Variants in DUS4L observed in about 807,000 individuals in gnomAD.
DUS4L encodes tRNA-dihydrouridine(20a/20b) synthase [NAD(P)+]-like.
Under a neutral mutation model 33.8 loss-of-function variants are expected in DUS4L, and 31 were observed. That is an observed-to-expected ratio of 0.92 (90% CI 0.69 to 1.24). The LOEUF is 1.24. DUS4L is among the 50% of genes most tolerant of loss of function. The pLI is 0.00. For missense variants in DUS4L, 368 were observed against 388.6 expected, an observed-to-expected ratio of 0.95 and a Z score of 0.45; for synonymous variants, 103 against 120.3, an observed-to-expected ratio of 0.86 and a Z score of 0.94.
rs988530574 is a variant in DUS4L, at chr7:107,577,594, T to C, written c.*34T>C. The C allele has an allele frequency of 1.3e-6, 2 of 1,588,486 alleles. No homozygotes were observed. Among genetic ancestry groups the C allele is most frequent in the African/African-American group, 1.3e-5 (1 of 74,212 alleles). On this transcript the variant is annotated 3_prime_UTR_variant, in exon 8 of 8. Transcript: ENST00000265720. The stretch of plus-strand genomic sequence containing the variant: ...CCCAAATAATTTTAATATATACTTT[T>C]AGACCCACAGTGAAACCACAGAAGG...
rs1805620093 is a variant in DUS4L at position 107,575,190 on chromosome 7, G to A, written c.359G>A (p.Trp120Ter). Residue 120 changes from tryptophan (W) to a stop codon, truncating the protein, a stop_gained and splice_region_variant, in exon 6 of 8, where the codon TGG (tryptophan) becomes TAG (stop). Transcript: ENST00000265720. LOFTEE classifies it high-confidence loss of function. The stretch of plus-strand genomic sequence containing the variant: ...GTTCATGTGTTTGCTTTACAAAGGT[G>A]GGCAATGGCAGAAGGTTATGGGGCT... ...IDINCGCPQR[W>*]AMAEGYGACL... 1 of 1,605,970 alleles carries A rather than the reference G, an allele frequency of 6.2e-7. No homozygotes were observed. Among genetic ancestry groups the A allele is most frequent in the Non-Finnish European group, 8.5e-7 (1 of 1,178,080 alleles).
chr7:107,571,559 C>A (rs1487772529), intron 4 of DUS4L, among the ~76,000 whole-genome samples: 1 of 152,172 alleles, frequency 6.6e-6, no homozygotes, highest in Non-Finnish European at 1.5e-5. Context: ...TCCAAGGAGA[C>A]CAAAGTGACC....
At chr7:107,572,999 TTATA>T (rs1369806702) in intron 4 of DUS4L, among the ~76,000 whole-genome samples, 1 of 151,926 alleles carries the variant, frequency 6.6e-6, no homozygotes, top group Non-Finnish European at 1.5e-5. Flanking sequence ...AATGGAAAAA[TTATA>T]TACAGAAAAA....
At position 107,563,973 on chromosome 7, in the gene DUS4L, C is replaced by G. The variant is rs772868659; in HGVS notation, c.-347C>G. 7.8e-7 allele frequency: 1 copy of G among 1,283,060 alleles called. No individual in the cohort carries two copies. Among genetic ancestry groups the G allele is most frequent in the Admixed American group, 1.9e-5 (1 of 53,320 alleles). 79.5% of individuals were successfully genotyped at this position (1,283,060 alleles called of 1,614,324 possible). A position where few individuals can be genotyped will look rare whatever the true frequency, so the allele number is the denominator to read the frequency against. ...TGGTGACGCAGAATCCCGGCGCCGC[C>G]CGCCCACCCAGCCCATGGCTCCAGG... is the stretch of plus-strand genomic sequence containing the variant. On this transcript the variant is annotated 5_prime_UTR_variant, in exon 1 of 8. Coordinates refer to ENST00000265720, the MANE Select transcript of DUS4L (RefSeq NM_181581.3).
chr7:107,567,015 A>G (rs900253586), intron 2 of DUS4L, 35 bp from the exon 3 acceptor site: 52 of 1,412,652 alleles, frequency 3.7e-5, no homozygotes, highest in African/African-American at 5.8e-5. Context: ...TAGTGAAAAC[A>G]TATTTTCTCT....
Position 107,576,452 on chromosome 7 carries a change from C to T in DUS4L, c.566C>T (p.Thr189Ile). The T allele has an allele frequency of 6.2e-7, 1 of 1,612,992 alleles. No homozygotes were observed. The highest frequency in any genetic ancestry group is 8.5e-7 in the Non-Finnish European group (1 of 1,179,806). Residue 189 changes from threonine (T) to isoleucine (I), a missense_variant, in exon 7 of 8, where the codon ACT becomes ATT. Thr to Ile is a moderately conservative substitution (Grantham distance 89). Coordinates refer to ENST00000265720, the MANE Select transcript of DUS4L (RefSeq NM_181581.3). ...TCATGGATTACAGTCCATGGAAGAA[C>T]TGCTGAAGAAAGACATCAGCCAGTG... ...GVSWITVHGR[T>I]AEERHQPVHY...
At position 107,564,178 on chromosome 7, in the gene DUS4L, T is replaced by C. The variant is rs951263712; in HGVS notation, c.-142T>C. 4 of 625,454 alleles carry C rather than the reference T, an allele frequency of 6.4e-6. No individual in the cohort carries two copies. The highest frequency in any genetic ancestry group is 8.3e-6 in the Non-Finnish European group (3 of 361,546). 38.7% of individuals were successfully genotyped at this position (625,454 alleles called of 1,614,324 possible). A position where few individuals can be genotyped will look rare whatever the true frequency, so the allele number is the denominator to read the frequency against. ...CGCAGCAGCTCAGGGCCGCGCCCCCTGGGCTGGCGTCGTGCCCTAGCCAAG... is the reference window on the plus strand; with the variant it reads ...CGCAGCAGCTCAGGGCCGCGCCCCCCGGGCTGGCGTCGTGCCCTAGCCAAG... On this transcript the variant is annotated 5_prime_UTR_variant, in exon 1 of 8. Transcript: ENST00000265720.
chr7:107,572,624 T>C (rs1805353949), intron 4 of DUS4L, among the ~76,000 whole-genome samples: 1 of 151,668 alleles, frequency 6.6e-6, no homozygotes, highest in Non-Finnish European at 1.5e-5. Context: ...CCAAGGTGGG[T>C]GGATCACCTG....
At chr7:107,575,162 C>T (rs1488408671) in intron 5 of DUS4L, 26 bp from the exon 6 acceptor site, 17 of 1,606,094 alleles carry the variant, frequency 1.1e-5, no homozygotes, top group Non-Finnish European at 1.2e-5. Context: ...TTATAATTCA[C>T]TTGTTCATGT....
intron 2 of DUS4L, among the ~76,000 whole-genome samples, chr7:107,566,713 TC>T (rs2129188181): frequency 6.6e-6 from 1 of 152,190 alleles, no homozygotes; most frequent in Admixed American, 6.5e-5. Flanking sequence ...AAACCAAATT[TC>T]TTGGCTTACC....
intron 3 of DUS4L, chr7:107,570,311 T>C (rs1462983106): frequency 6.6e-6 from 1 of 152,208 alleles, no homozygotes; most frequent in African/African-American, 2.4e-5. Context: ...CTTGGCCTCC[T>C]TCGACATCTG....
At chr7:107,573,619 A>G in intron 4 of DUS4L, 85 bp from the exon 5 acceptor site, 2 of 1,334,258 alleles carry the variant, frequency 1.5e-6, no homozygotes, top group Non-Finnish European at 2.0e-6. Flanking sequence ...TTGCTATTTT[A>G]TCCTGTACAA....
At chr7:107,569,558 A>G (rs58052742) in intron 3 of DUS4L, among the ~76,000 whole-genome samples, 119,570 of 152,178 alleles carry the variant, frequency 0.79, 47,157 homozygotes, top group South Asian at 0.87. Flanking sequence ...GAGTCTCCCA[A>G]TCCATGAACA....
chr7:107,573,666 T>TC (rs1157611238), intron 4 of DUS4L, 38 bp from the exon 5 acceptor site: 1 of 1,589,452 alleles, frequency 6.3e-7, no homozygotes, highest in African/African-American at 1.4e-5. Context: ...TGGGGTTTTT[T>TC]CCTGTGAATT....
chr7:107,576,151 G>C (rs557965400), intron 6 of DUS4L, among the ~76,000 whole-genome samples: 7 of 152,200 alleles, frequency 4.6e-5, no homozygotes, highest in Non-Finnish European at 8.8e-5. Flanking sequence ...GATAAAACTT[G>C]TTTTTTGTCC....
intron 4 of DUS4L, among the ~76,000 whole-genome samples, chr7:107,571,927 A>C (rs1236214752): frequency 2.0e-5 from 3 of 151,976 alleles, no homozygotes; most frequent in African/African-American, 7.3e-5. Flanking sequence ...CCTTGAACAT[A>C]CACTGTCTTC....
chr7:107,577,698 T>C lies in DUS4L; in HGVS notation c.*138T>C, dbSNP rs1805876619. 12 of 849,140 alleles carry C rather than the reference T, an allele frequency of 1.4e-5. No individual in the cohort carries two copies. The highest frequency in any genetic ancestry group is 3.6e-4 in the Middle Eastern group (1 of 2,782). The allele number at this position is 849,140 out of a possible 1,614,324, so 52.6% of individuals were successfully genotyped here. ...CCTGGGAGCGTTTTTTAAAAATCAG[T>C]TGTAGACACCACCCTCAGAGATTCT... On this transcript the variant is annotated 3_prime_UTR_variant, in exon 8 of 8. Transcript: ENST00000265720.
rs1468176168 is a variant in DUS4L, at chr7:107,564,153, C to T, written c.-167C>T. 5 of 737,386 alleles carry T rather than the reference C, an allele frequency of 6.8e-6. No individual in the cohort carries two copies. The Admixed American group carries it at 7.9e-5, about 12-fold the overall frequency. The allele number at this position is 737,386 out of a possible 1,614,324, so 45.7% of individuals were successfully genotyped here. The stretch of plus-strand genomic sequence containing the variant: ...CGGGCCGGCGCTTTCAGCTGTCTCT[C>T]GCAGCAGCTCAGGGCCGCGCCCCCT... On this transcript the variant is annotated 5_prime_UTR_variant, in exon 1 of 8. Coordinates refer to ENST00000265720, the MANE Select transcript of DUS4L (RefSeq NM_181581.3).
In DUS4L at chr7:107,567,201, A is replaced by G; in HGVS notation, c.116+15A>G. 2 of 1,603,944 alleles carry G rather than the reference A, an allele frequency of 1.2e-6. No homozygotes were observed. The highest frequency in any genetic ancestry group is 1.1e-5 in the South Asian group (1 of 90,410). Reference sequence around the variant, plus strand: ...CGATATTCAAAGTAAGTGTTGCAAAATGATTAATGAACTAAGATGAAATTT... The same window carrying G: ...CGATATTCAAAGTAAGTGTTGCAAAGTGATTAATGAACTAAGATGAAATTT... On this transcript the variant is annotated intron_variant, in intron 3 of 7. Transcript: ENST00000265720.
Sources: gnomAD v4.1 joint callset for allele counts (sites outside exome capture counted in the v4.1 genomes callset) on GRCh38, gnomAD v4.1.1 for gene constraint, MANE v1.5 for transcripts, NCBI Gene and HGNC (gene_info 2026-07-23, HGNC 2026-07-21) for gene names.